Variants in VWA8 observed in about 807,000 individuals in gnomAD.
The protein encoded by VWA8 is von Willebrand factor A domain containing 8, also known as von Willebrand factor A domain-containing protein 8.
VWA8 carries 221 observed loss-of-function variants against 241.5 expected under a neutral mutation model. That is an observed-to-expected ratio of 0.91 (90% CI 0.82 to 1.02). The LOEUF (loss-of-function observed/expected upper bound fraction) is 1.02, where lower values mean the gene tolerates loss of function less well. VWA8 is among the 50% of genes least tolerant of loss of function. VWA8 has a pLI of 0.00. For missense variants in VWA8, 2,322 were observed against 2,328.7 expected, an observed-to-expected ratio of 1.00 and a Z score of 0.06; for synonymous variants, 852 against 827.1, an observed-to-expected ratio of 1.03 and a Z score of -0.52.
chr13:41,691,244 A>C, intron 32 of VWA8, 76 bp downstream of exon 32: 1 of 1,506,126 alleles, frequency 6.6e-7, no homozygotes, highest in Admixed American at 1.9e-5. Flanking sequence ...AAGACAGAAC[A>C]GTAAAGATGT....
intron 43 of VWA8, among the ~76,000 whole-genome samples, chr13:41,571,476 G>GTGCCTGGGATTGC (rs1277130834): frequency 6.6e-6 from 1 of 152,140 alleles, no homozygotes; most frequent in South Asian, 2.1e-4. Context: ...AGCCTGCAGA[G>GTGCCTGGGATTGC]TGCCTGGGAT....
chr13:41,624,911 C>A lies in VWA8; in HGVS notation c.4612-9827G>T, dbSNP rs991161611. ...CTTCTCCAATGATATGATTCTATAC[C>A]TATAAAACCCTGTAGTCTCTGCCCA... On this transcript the variant is annotated intron_variant, in intron 37 of 44. Transcript: ENST00000379310. 4.6e-5 allele frequency among the ~76,000 whole-genome samples: 7 copies of A among 152,102 alleles called. No homozygotes were observed. The South Asian group carries it at 8.3e-4, about 18-fold the overall frequency.
chr13:41,803,466 G>C lies in VWA8; in HGVS notation c.2063+7759C>G, dbSNP rs371996608. Among the ~76,000 whole-genome samples, 23 of 152,326 alleles carry C rather than the reference G, an allele frequency of 1.5e-4. 1 individual carries two copies. Among genetic ancestry groups the C allele is most frequent in the East Asian group, 1.4e-3 (7 of 5,184 alleles). On this transcript the variant is annotated intron_variant, in intron 17 of 44. Transcript: ENST00000379310. ...TTAATGGACTCACAGTTCCATGTGG[G>C]TGGGGAGGCCTCACAATCATGGCAG...
At chr13:41,821,426 T>C (rs982658997) in intron 14 of VWA8, among the ~76,000 whole-genome samples, 3 of 152,158 alleles carry the variant, frequency 2.0e-5, no homozygotes, top group African/African-American at 7.2e-5. Context: ...ATAGGTTACA[T>C]GGGAAGTCAT....
chr13:41,798,498 T>C (rs1869805032), intron 17 of VWA8, among the ~76,000 whole-genome samples: 1 of 152,248 alleles, frequency 6.6e-6, no homozygotes, highest in East Asian at 1.9e-4. Flanking sequence ...GAATCTACTA[T>C]TGCTGATGTA....
chr13:41,677,202 G>C (rs1057513122), intron 35 of VWA8, among the ~76,000 whole-genome samples: 1 of 152,036 alleles, frequency 6.6e-6, no homozygotes, highest in African/African-American at 2.4e-5. Context: ...GTTGGGGGAA[G>C]ATAAAGAGAT....
At chr13:41,571,609 C>T (rs1311315032) in intron 43 of VWA8, among the ~76,000 whole-genome samples, 17 of 152,336 alleles carry the variant, frequency 1.1e-4, no homozygotes, top group South Asian at 8.3e-4. Flanking sequence ...CTCCGCCTCC[C>T]GAGGTGCCGG....
intron 17 of VWA8, among the ~76,000 whole-genome samples, chr13:41,797,123 C>T (rs557059710): frequency 9.2e-5 from 14 of 151,946 alleles, no homozygotes; most frequent in African/African-American, 1.9e-4. Context: ...CTCCACTGCC[C>T]GGGTTCAAGT....
chr13:41,829,363 C>T lies in VWA8; in HGVS notation c.1700+1166G>A, dbSNP rs186954718. 4.1e-3 allele frequency among the ~76,000 whole-genome samples: 621 copies of T among 152,166 alleles called. 3 individuals carry two copies. Among genetic ancestry groups the T allele is most frequent in the Non-Finnish European group, 7.1e-3 (482 of 68,008 alleles). ...CCTTAAAGAACTAAAAGTAGAACTACTGTTTGATCCAGCAATCCCACTACT... is the reference window on the plus strand; with the variant it reads ...CCTTAAAGAACTAAAAGTAGAACTATTGTTTGATCCAGCAATCCCACTACT... On this transcript the variant is annotated intron_variant, in intron 14 of 44. Transcript: ENST00000379310.
intron 2 of VWA8, among the ~76,000 whole-genome samples, chr13:41,942,335 A>G (rs1486493106): frequency 6.6e-6 from 1 of 152,220 alleles, no homozygotes; most frequent in Non-Finnish European, 1.5e-5. Flanking sequence ...AAACCAGCTA[A>G]TCTATAAAAA....
chr13:41,612,058 G>A (rs933931777), intron 38 of VWA8, among the ~76,000 whole-genome samples: 1 of 151,744 alleles, frequency 6.6e-6, no homozygotes, highest in African/African-American at 2.4e-5. Flanking sequence ...CTATATGATG[G>A]ATGAGATATT....
At chr13:41,745,278 A>C (rs1276479460) in intron 21 of VWA8, among the ~76,000 whole-genome samples, 1 of 151,940 alleles carries the variant, frequency 6.6e-6, no homozygotes, top group Non-Finnish European at 1.5e-5. Context: ...TCCTAATGCT[A>C]TCCCTCCCGC....
intron 19 of VWA8, among the ~76,000 whole-genome samples, chr13:41,778,428 CT>C (rs1356990493): frequency 6.6e-6 from 1 of 152,094 alleles, no homozygotes; most frequent in African/African-American, 2.4e-5. Context: ...CTGTACACTT[CT>C]AGGGAACATT....
intron 24 of VWA8, among the ~76,000 whole-genome samples, chr13:41,724,783 A>G (rs1453080779): frequency 1.3e-5 from 2 of 152,208 alleles, no homozygotes; most frequent in East Asian, 3.8e-4. Context: ...AAGCCCTTCT[A>G]TATTTCAATC....
chr13:41,892,050 C>T (rs1006223773), intron 4 of VWA8, among the ~76,000 whole-genome samples: 1 of 152,162 alleles, frequency 6.6e-6, no homozygotes, highest in East Asian at 1.9e-4. Flanking sequence ...CATAAGTCAT[C>T]ATCCAAATAA....
intron 9 of VWA8, among the ~76,000 whole-genome samples, chr13:41,876,824 G>C (rs939844803): frequency 6.6e-6 from 1 of 151,948 alleles, no homozygotes; most frequent in African/African-American, 2.4e-5. Flanking sequence ...TGCTCTCTAA[G>C]AATACTCTCC....
chr13:41,618,325 G>A (rs896366880), intron 37 of VWA8, among the ~76,000 whole-genome samples: 4 of 152,198 alleles, frequency 2.6e-5, no homozygotes, highest in African/African-American at 4.8e-5. Flanking sequence ...TGATGGGGTT[G>A]TTTGACTTTT....
In VWA8 at chr13:41,691,784, C is replaced by T. The variant is rs903757158; in HGVS notation, c.3740+90G>A. The T allele has an allele frequency of 1.8e-5, 19 of 1,048,198 alleles. No homozygotes were observed. In the East Asian group the frequency reaches 4.6e-4, roughly 25 times the overall value. 64.9% of individuals were successfully genotyped at this position (1,048,198 alleles called of 1,614,324 possible). A position where few individuals can be genotyped will look rare whatever the true frequency, so the allele number is the denominator to read the frequency against. On this transcript the variant is annotated intron_variant, in intron 31 of 44. Coordinates refer to ENST00000379310, the MANE Select transcript of VWA8 (RefSeq NM_015058.2). Reference sequence around the variant, plus strand: ...AAAACATTCATAATTTGGTTACATTCACTTTATAGTAAACAAGTATAATCA... The same window carrying T: ...AAAACATTCATAATTTGGTTACATTTACTTTATAGTAAACAAGTATAATCA...
At chr13:41,902,999 G>C (rs1264883113) in intron 4 of VWA8, among the ~76,000 whole-genome samples, 10 of 152,146 alleles carry the variant, frequency 6.6e-5, no homozygotes, top group Admixed American at 6.5e-4. Flanking sequence ...TCACCTAACA[G>C]TGAATAAAAA....
Sources: gnomAD v4.1 joint callset for allele counts (sites outside exome capture counted in the v4.1 genomes callset) on GRCh38, gnomAD v4.1.1 for gene constraint, MANE v1.5 for transcripts, NCBI Gene and HGNC (gene_info 2026-07-23, HGNC 2026-07-21) for gene names.